Variants in GHR observed in about 807,000 individuals in gnomAD.
GHR encodes the protein GH receptor.
GHR carries 35 observed loss-of-function variants against 67.1 expected under a neutral mutation model. The observed-to-expected ratio is 0.52, with a 90% CI of 0.40 to 0.69. The LOEUF (loss-of-function observed/expected upper bound fraction) is 0.69, where lower values mean the gene tolerates loss of function less well. GHR is among the 30% of genes least tolerant of loss of function. The pLI is 0.00. For synonymous variants in GHR, 272 were observed against 269.1 expected (o/e 1.01, Z -0.10); for missense variants, 792 against 764.6 (o/e 1.04, Z -0.42).
At chr5:42,492,204 T>C (rs1746143824) in intron 1 of GHR, among the ~76,000 whole-genome samples, 1 of 152,212 alleles carries the variant, frequency 6.6e-6, no homozygotes, top group Non-Finnish European at 1.5e-5. Context: ...GATTGTGACC[T>C]TGTAATGATC....
chr5:42,660,104 G>A (rs1477337343), intron 3 of GHR, among the ~76,000 whole-genome samples: 1 of 152,196 alleles, frequency 6.6e-6, no homozygotes, highest in African/African-American at 2.4e-5. Context: ...AAAGCAGGCG[G>A]GAATCTCGAA....
chr5:42,609,988 C>G (rs7709790), intron 2 of GHR, among the ~76,000 whole-genome samples: 35,223 of 151,982 alleles, frequency 0.23, 4,817 homozygotes, highest in African/African-American at 0.37. Flanking sequence ...CATGAAAGGG[C>G]CTTGACAGCT....
At chr5:42,679,105 ATAT>A (rs942214692) in intron 3 of GHR, among the ~76,000 whole-genome samples, 214 of 145,064 alleles carry the variant, frequency 1.5e-3, no homozygotes, top group Non-Finnish European at 2.5e-3. Flanking sequence ...ATGTATTAAT[ATAT>A]TATTATAATA....
intron 2 of GHR, among the ~76,000 whole-genome samples, chr5:42,609,699 T>C (rs1752795181): frequency 6.6e-6 from 1 of 152,150 alleles, no homozygotes; most frequent in Non-Finnish European, 1.5e-5. Context: ...ATTAGTAAAG[T>C]GGGAGAACAC....
chr5:42,609,367 G>A (rs1201949076), intron 2 of GHR, among the ~76,000 whole-genome samples: 1 of 152,188 alleles, frequency 6.6e-6, no homozygotes, highest in East Asian at 1.9e-4. Flanking sequence ...ACAGAGCAGG[G>A]AAGACGAGAG....
At chr5:42,431,552 CA>C (rs967537358) in intron 1 of GHR, among the ~76,000 whole-genome samples, 1 of 152,222 alleles carries the variant, frequency 6.6e-6, no homozygotes, top group African/African-American at 2.4e-5. Flanking sequence ...AACTTACCTT[CA>C]AATACTCCAT....
chr5:42,603,479 T>C (rs1162475683), intron 2 of GHR, among the ~76,000 whole-genome samples: 1 of 152,160 alleles, frequency 6.6e-6, no homozygotes, highest in Non-Finnish European at 1.5e-5. Context: ...GTAATATGTA[T>C]ATGGGTTCAC....
intron 1 of GHR, among the ~76,000 whole-genome samples, chr5:42,492,681 A>G (rs920392376): frequency 2.0e-5 from 3 of 152,208 alleles, no homozygotes; most frequent in African/African-American, 7.2e-5. Flanking sequence ...TTTACTACTG[A>G]TTTAGAAAAA....
chr5:42,702,606 T>C (rs1368322926), intron 6 of GHR, among the ~76,000 whole-genome samples: 1 of 152,112 alleles, frequency 6.6e-6, no homozygotes, highest in Non-Finnish European at 1.5e-5. Context: ...TTTTAATCTT[T>C]TGAGGAAGCT....
intron 1 of GHR, among the ~76,000 whole-genome samples, chr5:42,434,973 T>G (rs563594709): frequency 1.3e-5 from 2 of 152,334 alleles, no homozygotes; most frequent in South Asian, 4.1e-4. Context: ...CTCAGCCAAT[T>G]AAACTCTCTG....
chr5:42,718,164 C>T, intron 9 of GHR, 43 bp downstream of exon 9: 2 of 941,102 alleles, frequency 2.1e-6, no homozygotes, highest in East Asian at 2.4e-5. Context: ...TACTAATTAA[C>T]ACCTGAAGAC....
At chr5:42,714,880 C>T (rs1758644981) in intron 8 of GHR, among the ~76,000 whole-genome samples, 1 of 152,116 alleles carries the variant, frequency 6.6e-6, no homozygotes, top group Admixed American at 6.5e-5. Context: ...AAAATTTATA[C>T]ATAACTTCAG....
rs558130508 is a variant in GHR, at chr5:42,590,992, C to A, written c.70+25048C>A. 5.2e-3 allele frequency among the ~76,000 whole-genome samples: 786 copies of A among 152,328 alleles called. 6 individuals carry two copies. Among genetic ancestry groups the A allele is most frequent in the Middle Eastern group, 0.017 (5 of 294 alleles). On this transcript the variant is annotated intron_variant, in intron 2 of 9. Coordinates refer to ENST00000230882, the MANE Select transcript of GHR (RefSeq NM_000163.5). Reference sequence around the variant, plus strand: ...AGGAGAGAACTCCCTGTTGGCCACCCACCTCACAATCTTTAAAAGGGAACT... The same window carrying A: ...AGGAGAGAACTCCCTGTTGGCCACCAACCTCACAATCTTTAAAAGGGAACT...
rs150075737 is a variant in GHR, at chr5:42,718,614, C to T, written c.1107C>T (p.Asp369=). ...ESDTDRLLSS[D]HEKSHSNLGV... The stretch of plus-strand genomic sequence containing the variant: ...ACACAGACAGACTTCTAAGCAGTGA[C>T]CATGAGAAATCACATAGTAACCTAG... The change falls in exon 10 of 10, where the codon GAC becomes GAT. Residue 369 remains aspartate, a synonymous_variant. Coordinates refer to ENST00000230882, the MANE Select transcript of GHR (RefSeq NM_000163.5). 6.2e-7 allele frequency: 1 copy of T among 1,613,910 alleles called. No individual in the cohort carries two copies. Among genetic ancestry groups the T allele is most frequent in the Non-Finnish European group, 8.5e-7 (1 of 1,179,868 alleles).
chr5:42,644,601 G>A (rs907299383), intron 3 of GHR, among the ~76,000 whole-genome samples: 3 of 151,764 alleles, frequency 2.0e-5, no homozygotes, highest in East Asian at 1.9e-4. Context: ...AGTATTCTAC[G>A]ATATTCAGGA....
At chr5:42,529,103 C>G (rs1747839626) in intron 1 of GHR, among the ~76,000 whole-genome samples, 1 of 151,702 alleles carries the variant, frequency 6.6e-6, no homozygotes, top group Non-Finnish European at 1.5e-5. Flanking sequence ...GCTCTGCCTC[C>G]CGGGTTCACG....
At chr5:42,708,711 T>C (rs1264089276) in intron 6 of GHR, among the ~76,000 whole-genome samples, 1 of 152,182 alleles carries the variant, frequency 6.6e-6, no homozygotes, top group African/African-American at 2.4e-5. Flanking sequence ...CTAAAAGCCA[T>C]GGCATATAGT....
intron 1 of GHR, among the ~76,000 whole-genome samples, chr5:42,529,673 C>A (rs1747871632): frequency 6.6e-6 from 1 of 152,100 alleles, no homozygotes; most frequent in Non-Finnish European, 1.5e-5. Flanking sequence ...CAGCTTAACT[C>A]TTGGGTGGGT....
intron 1 of GHR, among the ~76,000 whole-genome samples, chr5:42,529,093 G>C (rs947599015): frequency 3.3e-5 from 5 of 150,768 alleles, no homozygotes; most frequent in Non-Finnish European, 5.9e-5. Context: ...CTCACTGCAA[G>C]CTCTGCCTCC....
Sources: allele counts gnomAD v4.1 joint callset (sites outside exome capture counted in the v4.1 genomes callset), GRCh38; gene constraint gnomAD v4.1.1; transcripts MANE v1.5; gene names NCBI Gene and HGNC (gene_info 2026-07-23, HGNC 2026-07-21).